Variants in MYO3B observed in about 807,000 individuals in gnomAD.
MYO3B encodes myosin IIIB, also known as myosin-IIIb.
A neutral mutation model predicts 174.6 loss-of-function variants in MYO3B; 156 were observed. The observed-to-expected ratio is 0.89, with a 90% confidence interval of 0.78 to 1.02. The LOEUF is 1.02. MYO3B is among the 50% of genes least tolerant of loss of function. The pLI, the probability that MYO3B is intolerant of heterozygous loss-of-function variation, is 0.00. For missense variants in MYO3B, 1,632 were observed against 1,639.4 expected (o/e 1.00, Z 0.08); for synonymous variants, 563 against 569.1 (o/e 0.99, Z 0.15).
chr2:170,590,045 A>G (rs888077574), intron 32 of MYO3B, among the ~76,000 whole-genome samples: 3 of 152,218 alleles, frequency 2.0e-5, no homozygotes, highest in African/African-American at 7.2e-5. Flanking sequence ...TAACCTAGGT[A>G]TGTAGTAGGC....
intron 23 of MYO3B, among the ~76,000 whole-genome samples, chr2:170,455,663 A>G (rs969633020): frequency 6.6e-6 from 1 of 152,220 alleles, no homozygotes; most frequent in Admixed American, 6.5e-5. Context: ...AGTTTTGATA[A>G]CTATTTAAAA....
intron 32 of MYO3B, among the ~76,000 whole-genome samples, chr2:170,620,910 T>C (rs2105331348): frequency 6.6e-6 from 1 of 152,276 alleles, no homozygotes; most frequent in East Asian, 1.9e-4. Flanking sequence ...TTTTTTTTAG[T>C]TGGAGTCTTG....
intron 32 of MYO3B, 30 bp from the exon 33 acceptor site, chr2:170,651,598 G>A: frequency 6.3e-7 from 1 of 1,598,832 alleles, no homozygotes; most frequent in Non-Finnish European, 8.6e-7. Context: ...ACCTCGGACA[G>A]TTTACAGCAA....
intron 7 of MYO3B, among the ~76,000 whole-genome samples, chr2:170,243,323 G>A (rs1047499863): frequency 2.0e-5 from 3 of 152,176 alleles, no homozygotes; most frequent in Non-Finnish European, 2.9e-5. Context: ...ACTTGGCTCT[G>A]GTCCATGTTG....
At chr2:170,559,174 C>A (rs1054776238) in intron 32 of MYO3B, among the ~76,000 whole-genome samples, 1 of 152,136 alleles carries the variant, frequency 6.6e-6, no homozygotes, top group Non-Finnish European at 1.5e-5. Flanking sequence ...AGAACCCAAC[C>A]CAGAGCTGGG....
intron 6 of MYO3B, among the ~76,000 whole-genome samples, chr2:170,221,639 T>C (rs994545949): frequency 5.3e-5 from 8 of 152,210 alleles, no homozygotes; most frequent in Non-Finnish European, 8.8e-5. Context: ...AAGAGTTCTG[T>C]GGGATGCCCT....
intron 7 of MYO3B, among the ~76,000 whole-genome samples, chr2:170,268,751 A>G: frequency 6.6e-6 from 1 of 152,154 alleles, no homozygotes. Flanking sequence ...AATATTTACA[A>G]CACATATAAC....
intron 23 of MYO3B, among the ~76,000 whole-genome samples, chr2:170,444,265 G>C (rs774553430): frequency 2.0e-5 from 3 of 152,150 alleles, no homozygotes; most frequent in Non-Finnish European, 2.9e-5. Context: ...TAAGAACAAT[G>C]CTACCTGAAA....
At chr2:170,467,114 T>TATC (rs567312979) in intron 25 of MYO3B, among the ~76,000 whole-genome samples, 83 of 152,308 alleles carry the variant, frequency 5.4e-4, no homozygotes, top group African/African-American at 1.9e-3. Context: ...ACACCTGAAG[T>TATC]ATCATAAGAG....
rs759075747 is a variant in MYO3B, at chr2:170,382,018, A to G, written c.974A>G (p.His325Arg). 5 of 1,611,752 alleles carry G rather than the reference A, an allele frequency of 3.1e-6. No individual in the cohort carries two copies. The highest frequency in any genetic ancestry group is 2.2e-5 in the South Asian group (2 of 90,812). Residue 325 changes from histidine (H) to arginine (R), a missense_variant and splice_region_variant, in exon 10 of 35, where the codon CAT becomes CGT. Coordinates refer to ENST00000408978, the MANE Select transcript of MYO3B (RefSeq NM_138995.5). ...KHQNPVAKTR[H>R]ERMHTRRPYH... is the part of the protein sequence containing the mutation. Reference sequence around the variant, plus strand: ...AAACTCTCTTGATAAATTTCTAGGCATGAGAGGATGCATACCAGAAGACCT... The same window carrying G: ...AAACTCTCTTGATAAATTTCTAGGCGTGAGAGGATGCATACCAGAAGACCT...
At chr2:170,584,140 G>A (rs540950908) in intron 32 of MYO3B, among the ~76,000 whole-genome samples, 1 of 152,290 alleles carries the variant, frequency 6.6e-6, no homozygotes, top group East Asian at 1.9e-4. Context: ...CCAATTAAAT[G>A]AATCTGAATT....
At chr2:170,530,747 T>G in intron 30 of MYO3B, among the ~76,000 whole-genome samples, 1 of 152,202 alleles carries the variant, frequency 6.6e-6, no homozygotes, top group Non-Finnish European at 1.5e-5. Context: ...GTTGTTTAAA[T>G]TATTTTTACT....
In MYO3B at chr2:170,203,402, C is replaced by T. The variant is rs569501223; in HGVS notation, c.321+3118C>T. Among the ~76,000 whole-genome samples, 4 of 148,524 alleles carry T rather than the reference C, an allele frequency of 2.7e-5. No individual in the cohort carries two copies. In the East Asian group the frequency reaches 8.0e-4, roughly 30 times the overall value. On this transcript the variant is annotated intron_variant, in intron 3 of 34. Coordinates refer to ENST00000408978, the MANE Select transcript of MYO3B (RefSeq NM_138995.5). ...AAACAAACAACTTTGTCCTTTAAAC[C>T]ATGTATGAGAATTAGTTTTACATCT...
intron 8 of MYO3B, among the ~76,000 whole-genome samples, chr2:170,354,962 G>T (rs976262115): frequency 1.3e-5 from 2 of 151,674 alleles, no homozygotes; most frequent in African/African-American, 4.9e-5. Flanking sequence ...GGGGTGGGGG[G>T]TGGAGGGTGA....
intron 22 of MYO3B, among the ~76,000 whole-genome samples, chr2:170,443,466 C>A (rs1339494956): frequency 2.0e-5 from 3 of 152,084 alleles, no homozygotes; most frequent in Non-Finnish European, 2.9e-5. Flanking sequence ...ATGGTAGTTT[C>A]TTTTGCTGTG....
chr2:170,356,182 C>G (rs928571560), intron 8 of MYO3B, among the ~76,000 whole-genome samples: 9 of 151,922 alleles, frequency 5.9e-5, no homozygotes, highest in Non-Finnish European at 1.0e-4. Flanking sequence ...AGGATGGTCT[C>G]AATCTCCTGA....
At chr2:170,300,079 G>C (rs993405689) in intron 7 of MYO3B, among the ~76,000 whole-genome samples, 1 of 152,178 alleles carries the variant, frequency 6.6e-6, no homozygotes, top group African/African-American at 2.4e-5. Context: ...CACCCGCTCT[G>C]AGATATTCAG....
intron 8 of MYO3B, chr2:170,338,040 A>G (rs2093956725): frequency 6.6e-6 from 1 of 152,202 alleles, no homozygotes; most frequent in Non-Finnish European, 1.5e-5. Context: ...AACTATGCAG[A>G]AATTCCTCCC....
At chr2:170,324,493 C>T (rs2093850833) in intron 7 of MYO3B, among the ~76,000 whole-genome samples, 3 of 152,204 alleles carry the variant, frequency 2.0e-5, no homozygotes, top group South Asian at 2.1e-4. Flanking sequence ...CTCCTAATGT[C>T]GGAGGAGACT....
Sources: gnomAD v4.1 joint callset for allele counts (sites outside exome capture counted in the v4.1 genomes callset) on GRCh38, gnomAD v4.1.1 for gene constraint, MANE v1.5 for transcripts, NCBI Gene and HGNC (gene_info 2026-07-23, HGNC 2026-07-21) for gene names.